ZHX3: variants seen among roughly 807,000 people sequenced by gnomAD.
ZHX3 encodes zinc fingers and homeoboxes protein 3.
In ZHX3, 20 loss-of-function variants were observed where a neutral mutation model predicts 64.5. That is an observed-to-expected ratio of 0.31 (90% CI 0.22 to 0.45). The LOEUF (loss-of-function observed/expected upper bound fraction) is 0.45, where lower values mean the gene tolerates loss of function less well. ZHX3 is among the 20% of genes least tolerant of loss of function. ZHX3 has a pLI of 1.00. For missense variants in ZHX3, 1,041 were observed against 1,195.8 expected (o/e 0.87, Z 1.91); for synonymous variants, 423 against 461.6 (o/e 0.92, Z 1.07).
At chr20:41,272,240 AG>A (rs1238912647) in intron 1 of ZHX3, 1 of 152,230 alleles carries the variant, frequency 6.6e-6, no homozygotes, top group African/African-American at 2.4e-5. Flanking sequence ...TTTCCTGTCC[AG>A]AGCTGGAAAG....
Position 41,277,843 on chromosome 20 carries a change from G to A in ZHX3, c.-244-8760C>T, listed in dbSNP as rs1342886511. On this transcript the variant is annotated intron_variant, in intron 1 of 3. Transcript: ENST00000683867. ...CCTGACCTCGTGATCTGCCCGCCTC[G>A]GCCTCCCAAAGTGCTGAGATTACAG... 7.3e-5 allele frequency among the ~76,000 whole-genome samples: 10 copies of A among 136,486 alleles called. 3 individuals are homozygous for A. The highest frequency in any genetic ancestry group is 1.9e-4 in the African/African-American group (7 of 36,166). The allele number at this position is 136,486 out of a possible 152,430, so 89.5% of individuals were successfully genotyped here. A position where few individuals can be genotyped will look rare whatever the true frequency, so the allele number is the denominator to read the frequency against.
intron 2 of ZHX3, among the ~76,000 whole-genome samples, chr20:41,249,211 TG>T (rs1349282445): frequency 5.3e-5 from 8 of 152,170 alleles, no homozygotes; most frequent in Non-Finnish European, 1.2e-4. Flanking sequence ...GTCATTGTTT[TG>T]CAGCCCTGAA....
chr20:41,244,992 A>G (rs941461637), intron 2 of ZHX3, among the ~76,000 whole-genome samples: 2 of 152,166 alleles, frequency 1.3e-5, no homozygotes, highest in Admixed American at 1.3e-4. Context: ...GGTTCAAAAG[A>G]TATCTATTGA....
chr20:41,259,660 G>A (rs552175844), intron 2 of ZHX3, among the ~76,000 whole-genome samples: 12 of 152,090 alleles, frequency 7.9e-5, no homozygotes, highest in Non-Finnish European at 5.9e-5. Context: ...TGGAGAGGGA[G>A]GGAGAAAGAA....
chr20:41,250,473 C>T (rs1158191666), intron 2 of ZHX3, among the ~76,000 whole-genome samples: 2 of 152,106 alleles, frequency 1.3e-5, no homozygotes, highest in Admixed American at 1.3e-4. Context: ...CATTTGAGGC[C>T]AGGAGTTCGA....
intron 1 of ZHX3, among the ~76,000 whole-genome samples, chr20:41,306,114 C>T (rs898723827): frequency 6.6e-6 from 1 of 152,026 alleles, no homozygotes. Context: ...ACCTAAGTAG[C>T]TGGTTTCCTT....
At chr20:41,294,869 T>C (rs964371242) in intron 1 of ZHX3, among the ~76,000 whole-genome samples, 4 of 151,544 alleles carry the variant, frequency 2.6e-5, no homozygotes, top group African/African-American at 7.3e-5. Context: ...CTAATTTTTA[T>C]ATTTTTTGGT....
chr20:41,309,003 TTGAACA>T (rs1343988454), intron 1 of ZHX3, among the ~76,000 whole-genome samples: 5 of 152,214 alleles, frequency 3.3e-5, no homozygotes, highest in Non-Finnish European at 7.3e-5. Context: ...CCTATTCCTG[TTGAACA>T]TGATAACAAT....
chr20:41,207,966 G>A (rs1253627357), intron 2 of ZHX3, among the ~76,000 whole-genome samples: 1 of 152,120 alleles, frequency 6.6e-6, no homozygotes, highest in East Asian at 1.9e-4. Flanking sequence ...AAGAAGAAAA[G>A]AGAGAAGAAT....
intron 2 of ZHX3, among the ~76,000 whole-genome samples, chr20:41,220,424 T>C (rs1056214749): frequency 6.6e-6 from 1 of 152,252 alleles, no homozygotes; most frequent in Non-Finnish European, 1.5e-5. Flanking sequence ...AGATTTCCTA[T>C]GAAGCTACTA....
rs1229201111 is a variant in ZHX3 at position 41,203,781 on chromosome 20, A to G, written c.1136T>C (p.Val379Ala). The G allele has an allele frequency of 7.4e-6, 12 of 1,614,226 alleles. No individual in the cohort carries two copies. Among genetic ancestry groups the G allele is most frequent in the South Asian group, 1.1e-5 (1 of 91,082 alleles). ...EDARKKMFNT[V>A]IQSVPQPTIT... The stretch of plus-strand genomic sequence containing the variant: ...TGTGGGCTGAGGCACAGACTGGATG[A>G]CTGTATTGAACATCTTTTTCCGGGC... The change falls in exon 3 of 4, where the codon GTC becomes GCC. Residue 379 changes from valine (V) to alanine (A), a missense_variant. Val to Ala is a moderately conservative substitution (Grantham distance 64). Coordinates refer to ENST00000683867, the MANE Select transcript of ZHX3 (RefSeq NM_001384317.1). The surrounding 1 kb of genome is among the most constrained non-coding windows in gnomAD (Gnocchi z 7.1).
At chr20:41,248,478 T>C (rs998563529) in intron 2 of ZHX3, among the ~76,000 whole-genome samples, 3 of 152,218 alleles carry the variant, frequency 2.0e-5, no homozygotes, top group Non-Finnish European at 4.4e-5. Context: ...ATGCAGAGGA[T>C]ACATGCTATA....
chr20:41,272,450 C>A (rs565590196), intron 1 of ZHX3, among the ~76,000 whole-genome samples: 28 of 152,282 alleles, frequency 1.8e-4, no homozygotes, highest in Middle Eastern at 3.4e-3. Flanking sequence ...ATCACATTTA[C>A]CATTACCTTA....
In ZHX3 at chr20:41,202,174, C is replaced by T. The variant is rs2038280816; in HGVS notation, c.2743G>A (p.Gly915Arg). The change falls in exon 3 of 4, where the codon GGG becomes AGG. Residue 915 changes from glycine (G) to arginine (R), a missense_variant. By Grantham distance (125) the Gly-to-Arg change is moderately radical. Coordinates refer to ENST00000683867, the MANE Select transcript of ZHX3 (RefSeq NM_001384317.1). This position sits in a 1 kb window ranked among gnomAD's most constrained non-coding sequence, Gnocchi z 7.0. ...GTGELTAVHK[G>R]MGDTYSEVSE... ...ACCTCTGAATAGGTGTCACCCATCC[C>T]TTTGTGAACTGCTGTGAGCTCACCA... The T allele has an allele frequency of 1.1e-5, 17 of 1,614,210 alleles. No homozygotes were observed. In the East Asian group the frequency reaches 3.8e-4, roughly 36 times the overall value.
At position 41,212,367 on chromosome 20, in the gene ZHX3, C is replaced by T. The variant is rs188248442; in HGVS notation, c.-150-7301G>A. On this transcript the variant is annotated intron_variant, in intron 2 of 3. Coordinates refer to ENST00000683867, the MANE Select transcript of ZHX3 (RefSeq NM_001384317.1). This position sits in a 1 kb window ranked among gnomAD's most constrained non-coding sequence, Gnocchi z 4.3. ...ACACCCACCAAGATGGCTGTAATTA[C>T]AGCGACAGATAACAAGTATAGATGA... Among the ~76,000 whole-genome samples, 77 of 152,256 alleles carry T rather than the reference C, an allele frequency of 5.1e-4. 1 individual carries two copies. The highest frequency in any genetic ancestry group is 4.8e-3 in the East Asian group (25 of 5,190).
chr20:41,220,057 GAC>G (rs1481677537), intron 2 of ZHX3, among the ~76,000 whole-genome samples: 1 of 152,212 alleles, frequency 6.6e-6, no homozygotes, highest in African/African-American at 2.4e-5. Context: ...TCTGAAGACA[GAC>G]AAACAAAATC....
intron 3 of ZHX3, among the ~76,000 whole-genome samples, chr20:41,198,980 T>G (rs1310772663): frequency 6.6e-6 from 1 of 152,116 alleles, no homozygotes; most frequent in African/African-American, 2.4e-5. Flanking sequence ...AATTCACTGT[T>G]CTCTTCTTTT....
At chr20:41,258,541 G>A (rs1372570911) in intron 2 of ZHX3, among the ~76,000 whole-genome samples, 1 of 152,124 alleles carries the variant, frequency 6.6e-6, no homozygotes, top group African/African-American at 2.4e-5. Context: ...CAACTTTTAA[G>A]AGTATTAAAC....
At chr20:41,300,782 G>A (rs1171747181) in intron 1 of ZHX3, among the ~76,000 whole-genome samples, 2 of 152,182 alleles carry the variant, frequency 1.3e-5, no homozygotes, top group African/African-American at 4.8e-5. Context: ...TGGAAACCCA[G>A]AAGACTGGGG....
Sources: gnomAD v4.1 joint callset for allele counts (sites outside exome capture counted in the v4.1 genomes callset) on GRCh38, gnomAD v4.1.1 for gene constraint, Gnocchi (gnomAD v3.1) non-coding constraint, MANE v1.5 for transcripts, NCBI Gene and HGNC (gene_info 2026-07-23, HGNC 2026-07-21) for gene names.